Variants in ATP8B2 observed in about 807,000 individuals in gnomAD.
ATP8B2 encodes phospholipid-transporting ATPase ID.
ATP8B2 carries 70 observed loss-of-function variants against 133.4 expected under a neutral mutation model. The observed-to-expected ratio is 0.52, with a 90% CI of 0.43 to 0.64. The LOEUF (loss-of-function observed/expected upper bound fraction) is 0.64, where lower values mean the gene tolerates loss of function less well. Among genes scored for constraint, ATP8B2 ranks in the 30% least tolerant of loss-of-function variants. The pLI, the probability that ATP8B2 is intolerant of heterozygous loss-of-function variation, is 0.00. For synonymous variants in ATP8B2, 517 were observed against 589.5 expected, an observed-to-expected ratio of 0.88 and a Z score of 1.78; for missense variants, 1,101 against 1,535.7, an observed-to-expected ratio of 0.72 and a Z score of 4.73.
rs891013777 is a variant in ATP8B2 at position 154,350,793 on chromosome 1, C to T, written c.*1675C>T. 8 of 152,396 alleles carry T rather than the reference C, an allele frequency of 5.2e-5. 1 individual carries two copies. Among genetic ancestry groups the T allele is most frequent in the African/African-American group, 1.9e-4 (8 of 41,458 alleles). 9.4% of individuals were successfully genotyped at this position (152,396 alleles called of 1,614,324 possible). On this transcript the variant is annotated 3_prime_UTR_variant, in exon 28 of 28. Coordinates refer to ENST00000368489, the MANE Select transcript of ATP8B2 (RefSeq NM_001370597.1). ...CCAAGTTAGTCGCTACCTAATCAGC[C>T]TTGAGAAGAATCCTTTCCTCTTCTT...
At chr1:154,337,102 A>G (rs1005115473) in intron 11 of ATP8B2, among the ~76,000 whole-genome samples, 2 of 79,404 alleles carry the variant, frequency 2.5e-5, no homozygotes, top group African/African-American at 7.7e-5. Flanking sequence ...CCAGCCCATA[A>G]TAGTTTTTTT....
rs747930557 is a variant in ATP8B2, at chr1:154,349,135, C to A, written c.*17C>A. 3.1e-6 allele frequency: 5 copies of A among 1,607,884 alleles called. No individual in the cohort carries two copies. In the South Asian group the frequency reaches 4.4e-5, roughly 14 times the overall value. On this transcript the variant is annotated 3_prime_UTR_variant, in exon 28 of 28. Coordinates refer to ENST00000368489, the MANE Select transcript of ATP8B2 (RefSeq NM_001370597.1). ...AAGGGCTGAAGGCCGAGGATGGATG[C>A]CCTGTGCCAGTGACCAGAGCACCCA...
rs774004907 is a variant in ATP8B2, at chr1:154,334,132, C to A, written c.615C>A (p.Asn205Lys). The A allele has an allele frequency of 9.3e-6, 15 of 1,614,086 alleles. No individual in the cohort carries two copies. Among genetic ancestry groups the A allele is most frequent in the Non-Finnish European group, 1.3e-5 (15 of 1,180,048 alleles). The change falls in exon 10 of 28, where the codon AAC becomes AAA. Residue 205 changes from asparagine to lysine, a missense_variant. Coordinates refer to ENST00000368489, the MANE Select transcript of ATP8B2 (RefSeq NM_001370597.1). The surrounding 1 kb of genome is among the most constrained non-coding windows in gnomAD (Gnocchi z 4.6). ...FDGEVICEPP[N>K]NKLDKFSGTL... ...GTGAAGTGATCTGTGAACCTCCCAACAACAAACTGGACAAATTCAGCGGAA... is the reference window on the plus strand; with the variant it reads ...GTGAAGTGATCTGTGAACCTCCCAAAAACAAACTGGACAAATTCAGCGGAA...
chr1:154,345,945 T>C lies in ATP8B2; in HGVS notation c.2778+62T>C, dbSNP rs926519602. The C allele has an allele frequency of 3.5e-6, 5 of 1,431,908 alleles. 1 individual carries two copies. Among genetic ancestry groups the C allele is most frequent in the Admixed American group, 1.7e-5 (1 of 59,320 alleles). The allele number at this position is 1,431,908 out of a possible 1,614,324, so 88.7% of individuals were successfully genotyped here. On this transcript the variant is annotated intron_variant, in intron 24 of 27. Coordinates refer to ENST00000368489, the MANE Select transcript of ATP8B2 (RefSeq NM_001370597.1). This position sits in a 1 kb window ranked among gnomAD's most constrained non-coding sequence, Gnocchi z 5.6. ...AAGGTCACTGCTTGAAGGAGTCACA[T>C]AGACGTGGTGTGTGACACTTGTGCC...
chr1:154,345,524 C>T lies in ATP8B2; in HGVS notation c.2673C>T (p.Phe891=). The T allele has an allele frequency of 6.2e-7, 1 of 1,613,248 alleles. No individual in the cohort carries two copies. ...AFTMVHFWFG[F]FCGFSAQTVY... is the part of the protein sequence containing the mutation. ...CCATGGTCCACTTCTGGTTTGGCTT[C>T]TTCTGTGGCTTCTCAGCCCAGGTAA... Residue 891 remains phenylalanine (F), a synonymous_variant, in exon 23 of 28, where the codon TTC becomes TTT. Transcript: ENST00000368489. This position sits in a 1 kb window ranked among gnomAD's most constrained non-coding sequence, Gnocchi z 5.6.
chr1:154,331,264 C>T lies in ATP8B2; in HGVS notation c.303+118C>T. ...TTCTTGGTGACCTTGACATCCCTTA[C>T]CCGGTCCAGCTAGATCCATGATGTC... On this transcript the variant is annotated intron_variant, in intron 5 of 27. Transcript: ENST00000368489. The surrounding 1 kb of genome is among the most constrained non-coding windows in gnomAD (Gnocchi z 4.8). 8.9e-7 allele frequency: 1 copy of T among 1,120,748 alleles called. No individual in the cohort carries two copies. The highest frequency in any genetic ancestry group is 1.3e-6 in the Non-Finnish European group (1 of 776,364). 69.4% of individuals were successfully genotyped at this position (1,120,748 alleles called of 1,614,324 possible). A position where few individuals can be genotyped will look rare whatever the true frequency, so the allele number is the denominator to read the frequency against.
At position 154,330,451 on chromosome 1, in the gene ATP8B2, T is replaced by A; in HGVS notation, c.87T>A (p.Tyr29Ter). ...NDREYNEKFQ[Y>*]ASNCIKTSKY... is the part of the protein sequence containing the mutation. ...GAGAATACAATGAGAAATTCCAGTA[T>A]GCGGTAAGCGACTCTAGACCACCTG... The change falls in exon 3 of 28, where the codon TAT becomes TAA. Residue 29 changes from tyrosine to a stop codon, truncating the protein, a stop_gained. Transcript: ENST00000368489. LOFTEE classifies it high-confidence loss of function. 1 of 1,571,446 alleles carries A rather than the reference T, an allele frequency of 6.4e-7. No homozygotes were observed. The highest frequency in any genetic ancestry group is 8.7e-7 in the Non-Finnish European group (1 of 1,153,044).
chr1:154,330,645 A>T (rs1685954904), intron 3 of ATP8B2, 170 bp from the exon 4 acceptor site: 1 of 743,440 alleles, frequency 1.3e-6, no homozygotes. Flanking sequence ...AGCAGAATAC[A>T]TTGACCCCCT....
rs773815903 is a variant in ATP8B2, at chr1:154,343,443, C to G, written c.1643-10C>G. ...TTTTCTGGCACTTTCTTCACCTGCCCCATTCATAGTGCGGAATCCAGAGGG... is the reference window on the plus strand; with the variant it reads ...TTTTCTGGCACTTTCTTCACCTGCCGCATTCATAGTGCGGAATCCAGAGGG... On this transcript the variant is annotated splice_polypyrimidine_tract_variant and intron_variant, in intron 16 of 27. Coordinates refer to ENST00000368489, the MANE Select transcript of ATP8B2 (RefSeq NM_001370597.1). This position sits in a 1 kb window ranked among gnomAD's most constrained non-coding sequence, Gnocchi z 5.8. 1 of 1,613,370 alleles carries G rather than the reference C, an allele frequency of 6.2e-7. No homozygotes were observed. The highest frequency in any genetic ancestry group is 1.1e-5 in the South Asian group (1 of 91,070).
At position 154,344,835 on chromosome 1, in the gene ATP8B2, C is replaced by T; in HGVS notation, c.2286+50C>T. On this transcript the variant is annotated intron_variant, in intron 21 of 27. Transcript: ENST00000368489. The surrounding 1 kb of genome is among the most constrained non-coding windows in gnomAD (Gnocchi z 4.1). ...GGCAGTATCTTTCCAGTGAGCACTT[C>T]TGTCCAGGGCTTTTATATCTTGTTC... The T allele has an allele frequency of 6.4e-7, 1 of 1,560,818 alleles. No homozygotes were observed. The highest frequency in any genetic ancestry group is 8.7e-7 in the Non-Finnish European group (1 of 1,151,040).
Position 154,343,658 on chromosome 1 carries a change from A to G in ATP8B2, c.1758+90A>G. 2 of 1,269,866 alleles carry G rather than the reference A, an allele frequency of 1.6e-6. No homozygotes were observed. The allele number at this position is 1,269,866 out of a possible 1,614,324, so 78.7% of individuals were successfully genotyped here. ...AAGTTTGTTTTATTGTGTAAATTTA[A>G]GGTCTACAACGTGATGTTTTGATGT... On this transcript the variant is annotated intron_variant, in intron 17 of 27. Transcript: ENST00000368489. This position sits in a 1 kb window ranked among gnomAD's most constrained non-coding sequence, Gnocchi z 5.8.
In ATP8B2 at chr1:154,331,884, G is replaced by A; in HGVS notation, c.439-70G>A. 6.7e-7 allele frequency: 1 copy of A among 1,484,116 alleles called. No individual in the cohort carries two copies. Among genetic ancestry groups the A allele is most frequent in the Non-Finnish European group, 9.4e-7 (1 of 1,062,726 alleles). 91.9% of individuals were successfully genotyped at this position (1,484,116 alleles called of 1,614,324 possible). ...GCAAACCAAGAATGCTTAGTGGAAG[G>A]AGCCACCATTACAGCCCACTGGGGG... On this transcript the variant is annotated intron_variant, in intron 7 of 27. Coordinates refer to ENST00000368489, the MANE Select transcript of ATP8B2 (RefSeq NM_001370597.1). This position sits in a 1 kb window ranked among gnomAD's most constrained non-coding sequence, Gnocchi z 4.8.
rs767947565 is a variant in ATP8B2 at position 154,349,092 on chromosome 1, G to A, written c.3547G>A (p.Gly1183Ser). ...KSDSASSPSG[G>S]ADKPLKG ...TGACAGTGCCAGTAGCCCCAGTGGC[G>A]GTGCCGACAAGCCCCTCAAGGGCTG... is the stretch of plus-strand genomic sequence containing the variant. The change falls in exon 28 of 28, where the codon GGT becomes AGT. Residue 1183 changes from glycine to serine, a missense_variant. Physicochemically the swap from Gly to Ser is moderately conservative, Grantham distance 56 (BLOSUM62 0). Coordinates refer to ENST00000368489, the MANE Select transcript of ATP8B2 (RefSeq NM_001370597.1). 2.4e-5 allele frequency: 38 copies of A among 1,614,076 alleles called. No homozygotes were observed. Among genetic ancestry groups the A allele is most frequent in the Non-Finnish European group, 2.8e-5 (33 of 1,179,930 alleles).
In ATP8B2 at chr1:154,334,848, G is replaced by T. The variant is rs1686120708; in HGVS notation, c.837+257G>T. Among the ~76,000 whole-genome samples the T allele has an allele frequency of 6.6e-6, 1 of 152,148 alleles. No individual in the cohort carries two copies. The highest frequency in any genetic ancestry group is 2.4e-5 in the African/African-American group (1 of 41,432). On this transcript the variant is annotated intron_variant, in intron 11 of 27. Transcript: ENST00000368489. The surrounding 1 kb of genome is among the most constrained non-coding windows in gnomAD (Gnocchi z 4.6). ...TCCCTTCTCTGATTCCAGTTATGAT[G>T]ATGACTTTGTGAAGCATGTGACCTT...
Position 154,340,823 on chromosome 1 carries a change from AC to A in ATP8B2, c.1035-28del. 6.2e-7 allele frequency: 1 copy of A among 1,609,942 alleles called. No individual in the cohort carries two copies. On this transcript the variant is annotated intron_variant, in intron 12 of 27. Transcript: ENST00000368489. The surrounding 1 kb of genome is among the most constrained non-coding windows in gnomAD (Gnocchi z 4.0). ...GGTGGGGCACCTCCTCTTCTTCCCG[AC>A]CCAAGCCTCACCTCTTGTCCCCTGT... is the stretch of plus-strand genomic sequence containing the variant.
In ATP8B2 at chr1:154,337,415, T is replaced by C. The variant is rs766348077; in HGVS notation, c.905T>C (p.Val302Ala). 2 of 1,613,920 alleles carry C rather than the reference T, an allele frequency of 1.2e-6. No homozygotes were observed. Among genetic ancestry groups the C allele is most frequent in the African/African-American group, 2.7e-5 (2 of 74,858 alleles). Reference protein sequence around the residue: ...AIGNAIWEHEVGMRFQVYLPW... With the variant: ...AIGNAIWEHEAGMRFQVYLPW... ...GGCAATGCCATCTGGGAGCACGAGG[T>C]GGGGATGCGTTTCCAGGTCTACCTG... Residue 302 changes from valine (V) to alanine (A), a missense_variant, in exon 12 of 28, where the codon GTG becomes GCG. Physicochemically the swap from Val to Ala is moderately conservative, Grantham distance 64 (BLOSUM62 0). Coordinates refer to ENST00000368489, the MANE Select transcript of ATP8B2 (RefSeq NM_001370597.1).
rs975285986 is a variant in ATP8B2, at chr1:154,328,620, G to A, written c.31+448G>A. Among the ~76,000 whole-genome samples the A allele has an allele frequency of 1.3e-5, 2 of 152,142 alleles. No homozygotes were observed. The highest frequency in any genetic ancestry group is 1.5e-5 in the Non-Finnish European group (1 of 67,996). ...CCGCATTGGCCCGGCCCGGGGGTGG[G>A]AGGGGAGGCGGGGCTCGCGCGCGAG... is the stretch of plus-strand genomic sequence containing the variant. On this transcript the variant is annotated intron_variant, in intron 2 of 27. Transcript: ENST00000368489. The surrounding 1 kb of genome is among the most constrained non-coding windows in gnomAD (Gnocchi z 4.6).
In ATP8B2 at chr1:154,328,724, C is replaced by T. The variant is rs2149158611; in HGVS notation, c.31+552C>T. On this transcript the variant is annotated intron_variant, in intron 2 of 27. Transcript: ENST00000368489. This position sits in a 1 kb window ranked among gnomAD's most constrained non-coding sequence, Gnocchi z 4.6. ...GCGGGGGCGGAACCCTGGGCGTGCT[C>T]GGCGTGTCCGGGGCCACTCAGCGCA... 3 of 902,084 alleles carry T rather than the reference C, an allele frequency of 3.3e-6. No individual in the cohort carries two copies. Among genetic ancestry groups the T allele is most frequent in the African/African-American group, 1.8e-5 (1 of 55,822 alleles). The allele number at this position is 902,084 out of a possible 1,614,324, so 55.9% of individuals were successfully genotyped here.
chr1:154,348,576 G>A, intron 27 of ATP8B2, 38 bp downstream of exon 27: 1 of 1,606,564 alleles, frequency 6.2e-7, no homozygotes, highest in Non-Finnish European at 8.5e-7. Context: ...AGGCAGAGAT[G>A]GGGTGGCTGG....
Sources: allele counts gnomAD v4.1 joint callset (sites outside exome capture counted in the v4.1 genomes callset), GRCh38; gene constraint gnomAD v4.1.1; non-coding constraint Gnocchi (gnomAD v3.1); transcripts MANE v1.5; gene names NCBI Gene and HGNC (gene_info 2026-07-23, HGNC 2026-07-21).